Variants in CALN1 observed in about 807,000 individuals in gnomAD.
CALN1 encodes calcium-binding protein 8.
Under a neutral mutation model 30.6 loss-of-function variants are expected in CALN1, and 17 were observed. The ratio of observed to expected loss-of-function variants is 0.56; its 90% CI spans 0.38 to 0.83. The LOEUF is 0.83. Ranked by LOEUF, CALN1 falls within the 40% of genes least tolerant of loss-of-function variation. The probability of loss-of-function intolerance (pLI) is 0.00; values close to 1 mark genes in which losing one functional copy is unlikely to be tolerated. For synonymous variants in CALN1, 156 were observed against 131.4 expected (o/e 1.19, Z -1.28); for missense variants, 291 against 354.9 (o/e 0.82, Z 1.45).
chr7:71,791,297 T>C (rs1793370776), intron 6 of CALN1, among the ~76,000 whole-genome samples: 1 of 152,226 alleles, frequency 6.6e-6, no homozygotes, highest in Admixed American at 6.5e-5. Context: ...AAGCAATTTA[T>C]GTTCCTTTAG....
chr7:72,310,230 A>T (rs1329019927), intron 2 of CALN1, among the ~76,000 whole-genome samples: 1 of 151,692 alleles, frequency 6.6e-6, no homozygotes, highest in Non-Finnish European at 1.5e-5. Context: ...TAGACAGCAC[A>T]ATGCTACTCC....
At chr7:72,257,026 A>T (rs892734377) in intron 3 of CALN1, among the ~76,000 whole-genome samples, 1 of 152,198 alleles carries the variant, frequency 6.6e-6, no homozygotes, top group African/African-American at 2.4e-5. Context: ...TTATAAAGAA[A>T]ATAGGTTTAA....
At chr7:72,334,110 G>T (rs1057361610) in intron 2 of CALN1, among the ~76,000 whole-genome samples, 1 of 152,184 alleles carries the variant, frequency 6.6e-6, no homozygotes, top group African/African-American at 2.4e-5. Context: ...CAAACACGAA[G>T]AATGAGGATG....
chr7:72,098,961 G>A (rs1334172238), intron 4 of CALN1, among the ~76,000 whole-genome samples: 1 of 152,152 alleles, frequency 6.6e-6, no homozygotes, highest in African/African-American at 2.4e-5. Context: ...TGTTCCATGT[G>A]TAGCCGGCAA....
chr7:71,944,790 G>A (rs1796324097), intron 5 of CALN1, among the ~76,000 whole-genome samples: 1 of 152,178 alleles, frequency 6.6e-6, no homozygotes, highest in African/African-American at 2.4e-5. Flanking sequence ...GCTACCCTCT[G>A]TCTAATCTTT....
chr7:72,186,992 G>C (rs1585119263), intron 3 of CALN1, among the ~76,000 whole-genome samples: 3 of 150,854 alleles, frequency 2.0e-5, no homozygotes, highest in East Asian at 2.0e-4. Flanking sequence ...CCCCAGAAAG[G>C]GACAGGGCAA....
intron 3 of CALN1, among the ~76,000 whole-genome samples, chr7:72,172,766 A>C (rs1020192359): frequency 6.6e-6 from 1 of 152,208 alleles, no homozygotes; most frequent in Non-Finnish European, 1.5e-5. Context: ...ATCTCTCAGC[A>C]AATTAGAAAT....
intron 3 of CALN1, among the ~76,000 whole-genome samples, chr7:72,242,128 T>C (rs1186283750): frequency 1.3e-5 from 2 of 152,184 alleles, no homozygotes; most frequent in African/African-American, 4.8e-5. Context: ...AATCATACAG[T>C]ATTTGTCCTT....
chr7:72,110,669 T>TTC (rs1245867363), intron 3 of CALN1, among the ~76,000 whole-genome samples: 2 of 150,586 alleles, frequency 1.3e-5, no homozygotes, highest in Non-Finnish European at 2.9e-5. Context: ...TTTTTTTTTT[T>TTC]TTCAAAATAG....
intron 5 of CALN1, among the ~76,000 whole-genome samples, chr7:71,998,395 T>C (rs149236945): frequency 5.3e-5 from 8 of 152,180 alleles, no homozygotes; most frequent in African/African-American, 1.9e-4. Context: ...TATTTAATGA[T>C]TGAGACACAA....
chr7:71,923,721 C>T (rs1197102629), intron 5 of CALN1, among the ~76,000 whole-genome samples: 1 of 152,136 alleles, frequency 6.6e-6, no homozygotes, highest in Non-Finnish European at 1.5e-5. Context: ...AAAGTGCCCT[C>T]CTAAGGATGC....
chr7:71,810,769 T>C (rs1050354066), intron 5 of CALN1, among the ~76,000 whole-genome samples: 4 of 152,200 alleles, frequency 2.6e-5, no homozygotes, highest in Admixed American at 1.3e-4. Flanking sequence ...CATCCAGCCA[T>C]CTGCTGTCAA....
intron 3 of CALN1, among the ~76,000 whole-genome samples, chr7:72,211,298 C>T (rs1486800479): frequency 6.6e-6 from 1 of 152,106 alleles, no homozygotes; most frequent in Non-Finnish European, 1.5e-5. Context: ...TACTCTGTTG[C>T]ACACACCACT....
intron 5 of CALN1, among the ~76,000 whole-genome samples, chr7:71,912,491 C>G (rs733909): frequency 6.6e-6 from 1 of 152,032 alleles, no homozygotes; most frequent in Non-Finnish European, 1.5e-5. Context: ...ACACACAATT[C>G]GTGCATGTTT....
intron 2 of CALN1, among the ~76,000 whole-genome samples, chr7:72,297,881 A>G (rs1412835382): frequency 6.6e-6 from 1 of 152,216 alleles, no homozygotes; most frequent in African/African-American, 2.4e-5. Context: ...TTGCATTTTC[A>G]TATTTTTAAC....
At chr7:72,044,598 A>ATTTTTTTT (rs1563005478) in intron 4 of CALN1, among the ~76,000 whole-genome samples, 114 of 114,406 alleles carry the variant, frequency 1.0e-3, no homozygotes, top group African/African-American at 3.8e-3. Flanking sequence ...TCCGCTTAAA[A>ATTTTTTTT]CTTTTTTTTT....
At chr7:72,263,832 G>A (rs563275447) in intron 3 of CALN1, among the ~76,000 whole-genome samples, 170 of 152,224 alleles carry the variant, frequency 1.1e-3, no homozygotes, top group Middle Eastern at 6.8e-3. Context: ...TGTTCCCAGG[G>A]ATAAGCATGA....
intron 4 of CALN1, among the ~76,000 whole-genome samples, chr7:72,044,312 T>C (rs1802323218): frequency 6.6e-6 from 1 of 152,090 alleles, no homozygotes; most frequent in African/African-American, 2.4e-5. Context: ...CTCATCTATG[T>C]GGTAGGTTCA....
chr7:72,315,999 A>T (rs1038210642), intron 2 of CALN1, among the ~76,000 whole-genome samples: 1 of 151,928 alleles, frequency 6.6e-6, no homozygotes, highest in African/African-American at 2.4e-5. Context: ...AAAAATACAA[A>T]AACTAGCCAG....
Sources: allele counts gnomAD v4.1 joint callset (sites outside exome capture counted in the v4.1 genomes callset), GRCh38; gene constraint gnomAD v4.1.1; transcripts MANE v1.5; gene names NCBI Gene and HGNC (gene_info 2026-07-23, HGNC 2026-07-21).